NLN: variants seen among roughly 807,000 people sequenced by gnomAD.
NLN encodes the protein neurolysin, mitochondrial.
A neutral mutation model predicts 79.9 loss-of-function variants in NLN; 64 were observed. The ratio of observed to expected loss-of-function variants is 0.80; its 90% confidence interval spans 0.65 to 0.99. NLN has a LOEUF of 0.99. NLN is among the 50% of genes least tolerant of loss of function. The pLI is 0.00. For missense variants in NLN, 835 were observed against 858.7 expected, an observed-to-expected ratio of 0.97 and a Z score of 0.34; for synonymous variants, 267 against 296.6, an observed-to-expected ratio of 0.90 and a Z score of 1.02.
At chr5:65,744,261 T>A (rs993276477) in intron 1 of NLN, among the ~76,000 whole-genome samples, 2 of 152,114 alleles carry the variant, frequency 1.3e-5, no homozygotes, top group African/African-American at 4.8e-5. Context: ...GCTTCCCAAA[T>A]TGCTGGGATT....
Position 65,723,814 on chromosome 5 carries a change from C to CAA in NLN, c.41+1421_41+1422dup, listed in dbSNP as rs760572199. Among the ~76,000 whole-genome samples, 96 of 54,918 alleles carry CAA rather than the reference C, an allele frequency of 1.7e-3. 1 individual carries two copies. Among genetic ancestry groups the CAA allele is most frequent in the East Asian group, 4.2e-3 (7 of 1,648 alleles). The allele number at this position is 54,918 out of a possible 152,430, so 36.0% of individuals were successfully genotyped here. ...TGGGCGACAGAGCAAGACTCCGTCT[C>CAA]AAAAAAAAAAAAAAAAAAAAAAGAA... On this transcript the variant is annotated intron_variant, in intron 1 of 12. Transcript: ENST00000380985.
intron 6 of NLN, 64 bp downstream of exon 6, chr5:65,781,485 G>C: frequency 8.3e-7 from 1 of 1,209,846 alleles, no homozygotes; most frequent in Non-Finnish European, 1.2e-6. Flanking sequence ...GGTTTACTTT[G>C]TTCACCAGTG....
chr5:65,775,533 T>C (rs1331447614), intron 3 of NLN, among the ~76,000 whole-genome samples: 3 of 152,210 alleles, frequency 2.0e-5, no homozygotes, highest in Non-Finnish European at 4.4e-5. Context: ...AACTACAGCC[T>C]GGATTCTCCC....
Position 65,733,145 on chromosome 5 carries a change from A to G in NLN, c.41+10731A>G, listed in dbSNP as rs2150734102. The G allele has an allele frequency of 2.0e-6, 3 of 1,472,786 alleles. 1 individual carries two copies. The highest frequency in any genetic ancestry group is 2.8e-6 in the Non-Finnish European group (3 of 1,065,314). 91.2% of individuals were successfully genotyped at this position (1,472,786 alleles called of 1,614,324 possible). A position where few individuals can be genotyped will look rare whatever the true frequency, so the allele number is the denominator to read the frequency against. The stretch of plus-strand genomic sequence containing the variant: ...CCTTTATATTCTGTCATGCTTACCT[A>G]GCTGATCGGGACATGGAGTGTCTGT... On this transcript the variant is annotated intron_variant, in intron 1 of 12. Coordinates refer to ENST00000380985, the MANE Select transcript of NLN (RefSeq NM_020726.5).
In NLN at chr5:65,792,606, G is replaced by A; in HGVS notation, c.1478G>A (p.Arg493Lys). ...RPSLLRHDEV[R>K]TYFHEFGHVM... ...TCTCTCCTGAGACACGACGAGGTGAGGACTTACTTTCATGAGTTTGGTCAC... is the reference window on the plus strand; with the variant it reads ...TCTCTCCTGAGACACGACGAGGTGAAGACTTACTTTCATGAGTTTGGTCAC... Residue 493 changes from arginine (R) to lysine (K), a missense_variant, in exon 9 of 13, where the codon AGG (arginine) becomes AAG (lysine). Arg to Lys is a conservative substitution (Grantham distance 26). Coordinates refer to ENST00000380985, the MANE Select transcript of NLN (RefSeq NM_020726.5). 2 of 1,614,096 alleles carry A rather than the reference G, an allele frequency of 1.2e-6. No individual in the cohort carries two copies. The highest frequency in any genetic ancestry group is 1.7e-6 in the Non-Finnish European group (2 of 1,179,996).
At chr5:65,770,598 T>A (rs1474770182) in intron 3 of NLN, among the ~76,000 whole-genome samples, 2 of 152,202 alleles carry the variant, frequency 1.3e-5, no homozygotes, top group Non-Finnish European at 2.9e-5. Context: ...CATCACCAAG[T>A]TGGAGAAAAA....
chr5:65,766,122 CAT>C (rs1230446946), intron 3 of NLN, among the ~76,000 whole-genome samples: 7 of 152,268 alleles, frequency 4.6e-5, no homozygotes, highest in African/African-American at 9.6e-5. Context: ...TGGGGTCTGA[CAT>C]GTGGTTTCAG....
Position 65,732,554 on chromosome 5 carries a change from A to G in NLN, c.41+10140A>G, listed in dbSNP as rs977399848. Among the ~76,000 whole-genome samples the G allele has an allele frequency of 8.5e-5, 12 of 141,932 alleles. 1 individual carries two copies. Among genetic ancestry groups the G allele is most frequent in the African/African-American group, 2.4e-4 (9 of 37,828 alleles). 93.1% of individuals were successfully genotyped at this position (141,932 alleles called of 152,430 possible). A position where few individuals can be genotyped will look rare whatever the true frequency, so the allele number is the denominator to read the frequency against. On this transcript the variant is annotated intron_variant, in intron 1 of 12. Transcript: ENST00000380985. ...TAAAAGGTTCTTTTGAACCCCAGGAAAAGTAGTTGACATGAGAAAAGCGTG... is the reference window on the plus strand; with the variant it reads ...TAAAAGGTTCTTTTGAACCCCAGGAGAAGTAGTTGACATGAGAAAAGCGTG...
intron 9 of NLN, among the ~76,000 whole-genome samples, chr5:65,798,520 T>A (rs931076252): frequency 6.5e-4 from 99 of 152,334 alleles, no homozygotes; most frequent in Non-Finnish European, 1.2e-3. Context: ...CTGTGTGAGT[T>A]GACTGTTGAG....
Position 65,809,560 on chromosome 5 carries a change from G to A in NLN, c.1573G>A (p.Val525Ile). ...CGGAACAAATGTGGAAACTGACTTT[G>A]TAGAGGTGCCATCGCAAATGCTTGA... ...FSGTNVETDF[V>I]EVPSQMLENW... The change falls in exon 10 of 13, where the codon GTA becomes ATA. Residue 525 changes from valine (V) to isoleucine (I), a missense_variant. Physicochemically the swap from Val to Ile is conservative, Grantham distance 29 (BLOSUM62 3). Transcript: ENST00000380985. 1.2e-6 allele frequency: 2 copies of A among 1,612,524 alleles called. No homozygotes were observed. The highest frequency in any genetic ancestry group is 1.7e-6 in the Non-Finnish European group (2 of 1,179,614).
At chr5:65,773,442 T>C (rs1257921289) in intron 3 of NLN, among the ~76,000 whole-genome samples, 1 of 152,174 alleles carries the variant, frequency 6.6e-6, no homozygotes, top group African/African-American at 2.4e-5. Context: ...CCTGAATTCA[T>C]TTTTTAAATG....
At position 65,792,664 on chromosome 5, in the gene NLN, T is replaced by C. The variant is rs765593700; in HGVS notation, c.1527+9T>C. ...ATCAGATTTGTGCACAGGTGAGTTT[T>C]TTTTTTCCCCCAGTAAACCTGCCAA... On this transcript the variant is annotated intron_variant, in intron 9 of 12. Coordinates refer to ENST00000380985, the MANE Select transcript of NLN (RefSeq NM_020726.5). 12 of 1,608,746 alleles carry C rather than the reference T, an allele frequency of 7.5e-6. No homozygotes were observed. Among genetic ancestry groups the C allele is most frequent in the Non-Finnish European group, 1.0e-5 (12 of 1,175,134 alleles).
At position 65,754,056 on chromosome 5, in the gene NLN, TATTCCTTTATCAGTTTTC is replaced by T. The variant is rs755828827; in HGVS notation, c.42-4496_42-4479del. ...CATACTGTTGGTTTCTCCCTATACT[TATTCCTTTATCAGTTTTC>T]ATTCCTTTATCAGTAGGATCCTATA... On this transcript the variant is annotated intron_variant, in intron 1 of 12. Transcript: ENST00000380985. Among the ~76,000 whole-genome samples, 163 of 152,198 alleles carry T rather than the reference TATTCCTTTATCAGTTTTC, an allele frequency of 1.1e-3. 2 individuals are homozygous for T. The highest frequency in any genetic ancestry group is 1.9e-3 in the Non-Finnish European group (130 of 68,028).
In NLN at chr5:65,789,493, C is replaced by A. The variant is rs555482039; in HGVS notation, c.1325+1009C>A. Among the ~76,000 whole-genome samples, 5 of 152,136 alleles carry A rather than the reference C, an allele frequency of 3.3e-5. No individual in the cohort carries two copies. The South Asian group carries it at 8.3e-4, about 25-fold the overall frequency. On this transcript the variant is annotated intron_variant, in intron 8 of 12. Coordinates refer to ENST00000380985, the MANE Select transcript of NLN (RefSeq NM_020726.5). ...CATTTACTTAATTGAATATTGACCA[C>A]CACCCAGACATGGTGGCTCACACCT... is the stretch of plus-strand genomic sequence containing the variant.
intron 1 of NLN, among the ~76,000 whole-genome samples, chr5:65,737,575 C>T (rs937267791): frequency 2.0e-5 from 3 of 152,028 alleles, no homozygotes; most frequent in Admixed American, 6.6e-5. Flanking sequence ...TATGTCATTA[C>T]TAATAATAAC....
At chr5:65,776,845 T>C (rs1339299629) in intron 3 of NLN, among the ~76,000 whole-genome samples, 1 of 152,226 alleles carries the variant, frequency 6.6e-6, no homozygotes, top group Non-Finnish European at 1.5e-5. Flanking sequence ...CCCCAGATAC[T>C]TGTTCCTATG....
chr5:65,789,967 T>C (rs1277296792), intron 8 of NLN, among the ~76,000 whole-genome samples: 1 of 152,144 alleles, frequency 6.6e-6, no homozygotes, highest in Non-Finnish European at 1.5e-5. Context: ...GGAAATCCTT[T>C]TACAGGATTG....
At position 65,722,354 on chromosome 5, in the gene NLN, G is replaced by A. The variant is rs761534993; in HGVS notation, c.-20G>A. On this transcript the variant is annotated 5_prime_UTR_variant, in exon 1 of 13. Coordinates refer to ENST00000380985, the MANE Select transcript of NLN (RefSeq NM_020726.5). ...GCCGAAGGACCACGCGCCCGCCGCC[G>A]CCAGCCTCTCAGCGCTCCCATGATC... 3.9e-6 allele frequency: 6 copies of A among 1,553,546 alleles called. No individual in the cohort carries two copies. Among genetic ancestry groups the A allele is most frequent in the Admixed American group, 3.8e-5 (2 of 52,450 alleles).
At chr5:65,725,391 T>G (rs1027813279) in intron 1 of NLN, among the ~76,000 whole-genome samples, 2 of 152,274 alleles carry the variant, frequency 1.3e-5, no homozygotes, top group Non-Finnish European at 2.9e-5. Context: ...GTACTTGTTT[T>G]ACACTGTTAC....
Sources: allele counts gnomAD v4.1 joint callset (sites outside exome capture counted in the v4.1 genomes callset), GRCh38; gene constraint gnomAD v4.1.1; transcripts MANE v1.5; gene names NCBI Gene and HGNC (gene_info 2026-07-23, HGNC 2026-07-21).